BTBD9: variants seen among roughly 807,000 people sequenced by gnomAD.
BTBD9 encodes BTB/POZ domain-containing protein 9.
In BTBD9, 49 loss-of-function variants were observed where a neutral mutation model predicts 64.3. The ratio of observed to expected loss-of-function variants is 0.76; its 90% CI spans 0.61 to 0.97. BTBD9 has a LOEUF of 0.97. Among genes scored for constraint, BTBD9 ranks in the 50% least tolerant of loss-of-function variants. The probability of loss-of-function intolerance (pLI) is 0.00; values close to 1 mark genes in which losing one functional copy is unlikely to be tolerated. For missense variants in BTBD9, 598 were observed against 762.1 expected (o/e 0.78, Z 2.53); for synonymous variants, 260 against 274.7 (o/e 0.95, Z 0.53).
intron 2 of BTBD9, among the ~76,000 whole-genome samples, chr6:38,594,620 C>T (rs1457201665): frequency 1.3e-5 from 2 of 151,858 alleles, no homozygotes; most frequent in Non-Finnish European, 2.9e-5. Flanking sequence ...TTGAGAGGCA[C>T]AATGAAGTTG....
chr6:38,506,224 A>G (rs1772506917), intron 6 of BTBD9, among the ~76,000 whole-genome samples: 1 of 152,168 alleles, frequency 6.6e-6, no homozygotes, highest in Non-Finnish European at 1.5e-5. Flanking sequence ...AACCCATCAT[A>G]AGTTGAAAAT....
intron 6 of BTBD9, among the ~76,000 whole-genome samples, chr6:38,524,316 C>T (rs1176199908): frequency 2.6e-5 from 4 of 151,944 alleles, no homozygotes; most frequent in African/African-American, 9.7e-5. Context: ...CAGGAAAAAA[C>T]TAATTATTAC....
chr6:38,628,659 T>C (rs1452942712), intron 1 of BTBD9, among the ~76,000 whole-genome samples: 3 of 152,130 alleles, frequency 2.0e-5, no homozygotes, highest in Admixed American at 6.5e-5. Context: ...TACACATACA[T>C]TGAAACTGAA....
intron 1 of BTBD9, among the ~76,000 whole-genome samples, chr6:38,635,211 C>G (rs972423979): frequency 2.0e-5 from 3 of 152,092 alleles, no homozygotes; most frequent in Non-Finnish European, 4.4e-5. Flanking sequence ...TCTCGGCTCA[C>G]TGCAATGTCC....
At chr6:38,224,516 C>T (rs1763322898) in intron 9 of BTBD9, among the ~76,000 whole-genome samples, 1 of 152,176 alleles carries the variant, frequency 6.6e-6, no homozygotes, top group Non-Finnish European at 1.5e-5. Context: ...TTAAGAACCT[C>T]ACACAAAGGC....
intron 9 of BTBD9, among the ~76,000 whole-genome samples, chr6:38,255,664 A>G (rs1009440108): frequency 9.8e-5 from 15 of 152,326 alleles, no homozygotes; most frequent in African/African-American, 3.1e-4. Context: ...AATAAGGTAC[A>G]AGGCTTTCCT....
chr6:38,574,721 C>T (rs1775948665), intron 6 of BTBD9, among the ~76,000 whole-genome samples: 1 of 152,190 alleles, frequency 6.6e-6, no homozygotes, highest in Non-Finnish European at 1.5e-5. Flanking sequence ...GATGCAGATA[C>T]TAGGGCTCAG....
chr6:38,587,806 C>G (rs765763391), intron 4 of BTBD9: 10 of 714,110 alleles, frequency 1.4e-5, no homozygotes, highest in Non-Finnish European at 2.7e-5. Context: ...ACAGTCTACT[C>G]AGGTTATGGC....
chr6:38,495,944 G>A (rs1276392702), intron 6 of BTBD9, among the ~76,000 whole-genome samples: 1 of 152,186 alleles, frequency 6.6e-6, no homozygotes, highest in Non-Finnish European at 1.5e-5. Context: ...AATGGTATGG[G>A]AGTCATATCA....
intron 6 of BTBD9, among the ~76,000 whole-genome samples, chr6:38,390,467 G>A (rs952370116): frequency 2.0e-5 from 3 of 152,122 alleles, no homozygotes; most frequent in Non-Finnish European, 2.9e-5. Context: ...GCAATTTCAG[G>A]AGCAGTTATC....
At chr6:38,227,447 A>G (rs753042930) in intron 9 of BTBD9, among the ~76,000 whole-genome samples, 7 of 152,230 alleles carry the variant, frequency 4.6e-5, no homozygotes, top group Admixed American at 1.3e-4. Flanking sequence ...GAGGCACACA[A>G]TGAGGTCTGG....
chr6:38,519,178 G>A (rs1773178060), intron 6 of BTBD9, among the ~76,000 whole-genome samples: 1 of 152,152 alleles, frequency 6.6e-6, no homozygotes. Flanking sequence ...GCTCAGGGAT[G>A]GGCACCAGAC....
At chr6:38,413,451 G>A (rs1767525167) in intron 6 of BTBD9, among the ~76,000 whole-genome samples, 1 of 152,154 alleles carries the variant, frequency 6.6e-6, no homozygotes, top group African/African-American at 2.4e-5. Context: ...TCCTTACACT[G>A]TATAGGCCAA....
chr6:38,600,235 T>C (rs1777194905), intron 1 of BTBD9, among the ~76,000 whole-genome samples: 1 of 152,190 alleles, frequency 6.6e-6, no homozygotes, highest in Non-Finnish European at 1.5e-5. Context: ...AGCTCTATGG[T>C]AGGAGCCTAA....
At chr6:38,221,407 G>A (rs939997094) in intron 9 of BTBD9, among the ~76,000 whole-genome samples, 2 of 152,006 alleles carry the variant, frequency 1.3e-5, no homozygotes, top group African/African-American at 2.4e-5. Context: ...TCCCCCCAGG[G>A]AGCCACCACC....
chr6:38,412,549 G>A (rs1440696969), intron 6 of BTBD9, among the ~76,000 whole-genome samples: 3 of 150,562 alleles, frequency 2.0e-5, no homozygotes, highest in African/African-American at 7.3e-5. Flanking sequence ...CAGCCATTTG[G>A]ACTACATTAA....
At chr6:38,438,025 T>C (rs992904788) in intron 6 of BTBD9, among the ~76,000 whole-genome samples, 2 of 151,966 alleles carry the variant, frequency 1.3e-5, no homozygotes, top group Non-Finnish European at 2.9e-5. Flanking sequence ...AGTCTACTGG[T>C]TCCAAAACCC....
intron 1 of BTBD9, among the ~76,000 whole-genome samples, chr6:38,616,512 G>A (rs1777796748): frequency 6.6e-6 from 1 of 152,088 alleles, no homozygotes; most frequent in Non-Finnish European, 1.5e-5. Context: ...CAGCTACTCG[G>A]AAAGTTGAGG....
intron 7 of BTBD9, among the ~76,000 whole-genome samples, chr6:38,342,418 C>T (rs1007113445): frequency 2.3e-4 from 35 of 151,758 alleles, no homozygotes; most frequent in African/African-American, 8.5e-4. Flanking sequence ...CACCTGTAGT[C>T]CCAGTTACTT....
Sources: allele counts gnomAD v4.1 joint callset (sites outside exome capture counted in the v4.1 genomes callset), GRCh38; gene constraint gnomAD v4.1.1; transcripts MANE v1.5; gene names NCBI Gene and HGNC (gene_info 2026-07-23, HGNC 2026-07-21).